DGKB: variants seen among roughly 807,000 people sequenced by gnomAD.
DGKB encodes the protein 90 kDa diacylglycerol kinase.
A neutral mutation model predicts 114.3 loss-of-function variants in DGKB; 67 were observed. That is an observed-to-expected ratio of 0.59 (90% CI 0.48 to 0.72). The LOEUF (loss-of-function observed/expected upper bound fraction) is 0.72. Among genes scored for constraint, DGKB ranks in the 30% least tolerant of loss-of-function variants. DGKB has a pLI of 0.00. For missense variants in DGKB, 907 were observed against 975.2 expected (o/e 0.93, Z 0.93); for synonymous variants, 398 against 323.1 (o/e 1.23, Z -2.49).
intron 1 of DGKB, among the ~76,000 whole-genome samples, chr7:14,918,151 G>C (rs970442440): frequency 3.3e-5 from 5 of 152,050 alleles, no homozygotes; most frequent in African/African-American, 9.7e-5. Context: ...ATCATACTTA[G>C]TGATGAGAAA....
At position 14,771,060 on chromosome 7, in the gene DGKB, A is replaced by G. The variant is rs1837332666; in HGVS notation, c.71-13329T>C. On this transcript the variant is annotated intron_variant, in intron 2 of 25. Coordinates refer to ENST00000402815, the MANE Select transcript of DGKB (RefSeq NM_001350709.2). Reference sequence around the variant, plus strand: ...AACAAGTTTTATTGGGGTCTAAATGAACTCCCCAAATCTCTTTGATTTAGC... The same window carrying G: ...AACAAGTTTTATTGGGGTCTAAATGGACTCCCCAAATCTCTTTGATTTAGC... Among the ~76,000 whole-genome samples, 2 of 152,094 alleles carry G rather than the reference A, an allele frequency of 1.3e-5. 1 individual carries two copies. The highest frequency in any genetic ancestry group is 4.1e-4 in the South Asian group (2 of 4,828).
chr7:14,186,128 G>T (rs1406040914), intron 23 of DGKB, among the ~76,000 whole-genome samples: 1 of 152,080 alleles, frequency 6.6e-6, no homozygotes, highest in Non-Finnish European at 1.5e-5. Flanking sequence ...ATCTGACAAA[G>T]GACTAATAAC....
chr7:14,553,201 C>A (rs187066059), intron 20 of DGKB, among the ~76,000 whole-genome samples: 1 of 152,308 alleles, frequency 6.6e-6, no homozygotes, highest in Non-Finnish European at 1.5e-5. Context: ...GAAATAAAGA[C>A]CCCATAACAT....
rs2128592271 is a variant in DGKB at position 14,345,355 on chromosome 7, T to A, written c.1872A>T (p.Thr624=). Residue 624 remains threonine, a synonymous_variant, in exon 22 of 26, where the codon ACA becomes ACT. Coordinates refer to ENST00000402815, the MANE Select transcript of DGKB (RefSeq NM_001350709.2). ...TGCAGGTGGCTGAGAAAGTTTCAGATGTGCCAAACTCAAAATACCAAAATT... is the reference window on the plus strand; with the variant it reads ...TGCAGGTGGCTGAGAAAGTTTCAGAAGTGCCAAACTCAAAATACCAAAATT... The part of the protein sequence containing the change: ...KNKFWYFEFG[T]SETFSATCKK... 1 of 1,545,820 alleles carries A rather than the reference T, an allele frequency of 6.5e-7. No individual in the cohort carries two copies.
chr7:14,433,339 T>C (rs772804520), intron 21 of DGKB, among the ~76,000 whole-genome samples: 1 of 152,166 alleles, frequency 6.6e-6, no homozygotes, highest in Non-Finnish European at 1.5e-5. Flanking sequence ...ACAAAATTCT[T>C]GCATGCAAAT....
intron 21 of DGKB, among the ~76,000 whole-genome samples, chr7:14,372,548 A>C (rs1187484705): frequency 2.0e-5 from 3 of 152,168 alleles, no homozygotes; most frequent in African/African-American, 7.2e-5. Context: ...CCACCTTGAT[A>C]AATATCTTTA....
At chr7:14,368,691 G>A (rs559796326) in intron 21 of DGKB, among the ~76,000 whole-genome samples, 11 of 151,968 alleles carry the variant, frequency 7.2e-5, no homozygotes, top group African/African-American at 2.7e-4. Flanking sequence ...AATACATGTG[G>A]GAGAGAGAGA....
At chr7:14,190,537 A>G (rs1784139380) in intron 23 of DGKB, among the ~76,000 whole-genome samples, 1 of 150,430 alleles carries the variant, frequency 6.6e-6, no homozygotes, top group African/African-American at 2.5e-5. Context: ...GAAGGAAATA[A>G]TAAAACTCAG....
Position 14,455,469 on chromosome 7 carries a change from A to G in DGKB, c.1835+22692T>C, listed in dbSNP as rs192830885. Among the ~76,000 whole-genome samples, 98 of 152,166 alleles carry G rather than the reference A, an allele frequency of 6.4e-4. 1 individual carries two copies. Among genetic ancestry groups the G allele is most frequent in the African/African-American group, 2.3e-3 (97 of 41,564 alleles). On this transcript the variant is annotated intron_variant, in intron 21 of 25. Coordinates refer to ENST00000402815, the MANE Select transcript of DGKB (RefSeq NM_001350709.2). ...TCAATGTCTTACCATAACATTATTTATGCCATTATTCTGTTCACAACAAGT... is the reference window on the plus strand; with the variant it reads ...TCAATGTCTTACCATAACATTATTTGTGCCATTATTCTGTTCACAACAAGT...
At chr7:14,283,927 G>T (rs1800389352) in intron 23 of DGKB, among the ~76,000 whole-genome samples, 1 of 151,956 alleles carries the variant, frequency 6.6e-6, no homozygotes, top group Admixed American at 6.6e-5. Flanking sequence ...GAAAACCTAG[G>T]CATTACCATT....
chr7:14,963,116 T>G (rs1562907423), intron 1 of DGKB, among the ~76,000 whole-genome samples: 1 of 152,042 alleles, frequency 6.6e-6, no homozygotes, highest in Non-Finnish European at 1.5e-5. Flanking sequence ...CATTCCAAAA[T>G]AAAGGATGCT....
intron 21 of DGKB, among the ~76,000 whole-genome samples, chr7:14,410,608 T>C (rs1321765405): frequency 6.6e-6 from 1 of 152,088 alleles, no homozygotes; most frequent in Admixed American, 6.6e-5. Context: ...TCTGGCTACA[T>C]AAAAACGTTA....
intron 21 of DGKB, among the ~76,000 whole-genome samples, chr7:14,360,783 A>T (rs1349310141): frequency 6.6e-6 from 1 of 152,098 alleles, no homozygotes. Flanking sequence ...CAACATAGGG[A>T]GTTCAACATG....
intron 23 of DGKB, among the ~76,000 whole-genome samples, chr7:14,182,457 G>C (rs111755489): frequency 3.3e-5 from 5 of 151,642 alleles, no homozygotes; most frequent in Admixed American, 1.3e-4. Context: ...TTTAGCCTAC[G>C]TATTTTATCT....
intron 21 of DGKB, among the ~76,000 whole-genome samples, chr7:14,450,493 G>C (rs1408246458): frequency 1.3e-5 from 2 of 152,138 alleles, no homozygotes; most frequent in Non-Finnish European, 2.9e-5. Flanking sequence ...CCCTACAGTG[G>C]CTGAGTGGAG....
chr7:14,757,910 G>T (rs902602204), intron 2 of DGKB, among the ~76,000 whole-genome samples, 179 bp from the exon 3 acceptor site: 4 of 152,062 alleles, frequency 2.6e-5, no homozygotes, highest in African/African-American at 9.7e-5. Context: ...AAAAGAAATT[G>T]CAAAGGAGCA....
chr7:14,446,167 C>T (rs1411489683), intron 21 of DGKB, among the ~76,000 whole-genome samples: 1 of 152,046 alleles, frequency 6.6e-6, no homozygotes, highest in East Asian at 1.9e-4. Flanking sequence ...GTCAATTTGT[C>T]CTCTAAAAGA....
chr7:14,630,096 T>A (rs1809409823), intron 14 of DGKB, 140 bp downstream of exon 14: 1 of 475,892 alleles, frequency 2.1e-6, no homozygotes, highest in African/African-American at 2.0e-5. Context: ...CCACTTCCAA[T>A]TAGCAGAATA....
intron 13 of DGKB, among the ~76,000 whole-genome samples, chr7:14,656,797 T>C (rs1815914895): frequency 6.7e-6 from 1 of 150,154 alleles, no homozygotes; most frequent in Admixed American, 6.7e-5. Flanking sequence ...GGTATATATA[T>C]ACATATCCCT....
Sources: gnomAD v4.1 joint callset for allele counts (sites outside exome capture counted in the v4.1 genomes callset) on GRCh38, gnomAD v4.1.1 for gene constraint, MANE v1.5 for transcripts, NCBI Gene and HGNC (gene_info 2026-07-23, HGNC 2026-07-21) for gene names.